Variants in SASH1 observed in about 807,000 individuals in gnomAD.
SASH1 encodes the protein SAM and SH3 domain containing 1, also known as SAM and SH3 domain-containing protein 1.
Under a neutral mutation model 125.2 loss-of-function variants are expected in SASH1, and 44 were observed. That is an observed-to-expected ratio of 0.35 (90% CI 0.28 to 0.45). SASH1 has a LOEUF of 0.45. Ranked by LOEUF, SASH1 falls within the 20% of genes least tolerant of loss-of-function variation. The probability of loss-of-function intolerance (pLI) is 1.00; values close to 1 mark genes in which losing one functional copy is unlikely to be tolerated. For missense variants in SASH1, 1,426 were observed against 1,614.5 expected, an observed-to-expected ratio of 0.88 and a Z score of 2.00; for synonymous variants, 639 against 649.1, an observed-to-expected ratio of 0.98 and a Z score of 0.24.
chr6:148,376,966 C>T (rs980660349), intron 1 of SASH1, among the ~76,000 whole-genome samples: 4 of 151,140 alleles, frequency 2.6e-5, no homozygotes, highest in South Asian at 4.2e-4. Context: ...GTCAGGAGAT[C>T]GAGACCATCC....
chr6:148,357,331 C>T (rs777350296), intron 1 of SASH1, among the ~76,000 whole-genome samples: 9 of 152,210 alleles, frequency 5.9e-5, no homozygotes, highest in Non-Finnish European at 1.3e-4. Context: ...ACTTTGGCTT[C>T]TGCAGATTTT....
In SASH1 at chr6:148,402,800, A is replaced by G. The variant is rs376997606; in HGVS notation, c.285+12538A>G. On this transcript the variant is annotated intron_variant, in intron 2 of 19. Coordinates refer to ENST00000367467, the MANE Select transcript of SASH1 (RefSeq NM_015278.5). ...ATTTTTTCTATTTTTTAGTAGAGAC[A>G]GGGTTTCACCATGTTAGCCAGGATG... 1.6e-3 allele frequency among the ~76,000 whole-genome samples: 235 copies of G among 150,038 alleles called. 3 individuals carry two copies. The highest frequency in any genetic ancestry group is 4.6e-3 in the African/African-American group (187 of 40,704).
intron 2 of SASH1, among the ~76,000 whole-genome samples, chr6:148,390,870 T>G (rs1185087270): frequency 6.6e-6 from 1 of 152,170 alleles, no homozygotes; most frequent in East Asian, 1.9e-4. Flanking sequence ...GTATACTACA[T>G]TTTTTATTGA....
At chr6:148,468,328 C>T (rs1777940218) in intron 4 of SASH1, among the ~76,000 whole-genome samples, 1 of 152,322 alleles carries the variant, frequency 6.6e-6, no homozygotes, top group South Asian at 2.1e-4. Context: ...ACAGGTCTCA[C>T]CTTCGAGTGA....
At chr6:148,306,001 T>C (rs1352123766) in intron 1 of SASH1, among the ~76,000 whole-genome samples, 3 of 152,202 alleles carry the variant, frequency 2.0e-5, no homozygotes, top group Non-Finnish European at 4.4e-5. Context: ...TATATGCTTG[T>C]ATCAAAATAT....
chr6:148,486,491 T>C (rs1196090563), intron 7 of SASH1, among the ~76,000 whole-genome samples: 1 of 152,152 alleles, frequency 6.6e-6, no homozygotes, highest in Admixed American at 6.5e-5. Context: ...CCTAAACTTT[T>C]AATATCTCTA....
intron 1 of SASH1, among the ~76,000 whole-genome samples, chr6:148,295,388 C>T (rs767158367): frequency 2.0e-5 from 3 of 152,254 alleles, no homozygotes; most frequent in Non-Finnish European, 4.4e-5. Flanking sequence ...CTGATACTCT[C>T]CTTCAGAGAA....
Position 148,484,027 on chromosome 6 carries a change from C to T in SASH1, c.628-3587C>T, listed in dbSNP as rs6928631. Among the ~76,000 whole-genome samples the T allele has an allele frequency of 9.8e-3, 1,491 of 152,166 alleles. 31 individuals carry two copies. Among genetic ancestry groups the T allele is most frequent in the African/African-American group, 0.034 (1,432 of 41,524 alleles). On this transcript the variant is annotated intron_variant, in intron 7 of 19. Coordinates refer to ENST00000367467, the MANE Select transcript of SASH1 (RefSeq NM_015278.5). The stretch of plus-strand genomic sequence containing the variant: ...GAGGGTTGTTAAAGAGTACATATTT[C>T]GGATGTCCTGGAGAATGTTTGATTG...
intron 1 of SASH1, among the ~76,000 whole-genome samples, chr6:148,361,946 C>G (rs1487425787): frequency 1.4e-5 from 2 of 142,008 alleles, no homozygotes; most frequent in Non-Finnish European, 3.0e-5. Flanking sequence ...CAGAGTCTCA[C>G]TCTGTCGCCC....
At chr6:148,539,604 G>A (rs975731639) in intron 16 of SASH1, among the ~76,000 whole-genome samples, 7 of 152,106 alleles carry the variant, frequency 4.6e-5, no homozygotes, top group African/African-American at 1.7e-4. Context: ...CACTCAGAAT[G>A]AGGACATTCA....
Position 148,342,932 on chromosome 6 carries a change from C to G in SASH1, c.-136C>G, listed in dbSNP as rs1410514743. The G allele has an allele frequency of 1.2e-6, 1 of 818,268 alleles. No individual in the cohort carries two copies. The highest frequency in any genetic ancestry group is 1.5e-6 in the Non-Finnish European group (1 of 677,494). 50.7% of individuals were successfully genotyped at this position (818,268 alleles called of 1,614,324 possible). A position where few individuals can be genotyped will look rare whatever the true frequency, so the allele number is the denominator to read the frequency against. On this transcript the variant is annotated 5_prime_UTR_variant, in exon 1 of 20. Coordinates refer to ENST00000367467, the MANE Select transcript of SASH1 (RefSeq NM_015278.5). ...AGGGCCCCCGCGGGGTGGCCGGGGC[C>G]GCCGGGGCATGCAGCGCGGGGGCGC...
intron 1 of SASH1, among the ~76,000 whole-genome samples, chr6:148,282,025 A>G (rs1358354842): frequency 6.6e-6 from 1 of 152,240 alleles, no homozygotes; most frequent in African/African-American, 2.4e-5. Flanking sequence ...ACTGGTATAA[A>G]TGAAACCATA....
At chr6:148,233,890 G>T in the SASH1 span, among the ~76,000 whole-genome samples, 2 of 151,046 alleles carry the variant, frequency 1.3e-5, no homozygotes, top group Non-Finnish European at 3.0e-5. Flanking sequence ...TCCAGACTGG[G>T]TGACAGAGTG....
At chr6:148,329,353 A>G (rs1780923378) in intron 1 of SASH1, among the ~76,000 whole-genome samples, 1 of 152,214 alleles carries the variant, frequency 6.6e-6, no homozygotes, top group African/African-American at 2.4e-5. Context: ...TTCAAACCTC[A>G]TTCAGGCCAG....
chr6:148,468,631 T>A, intron 5 of SASH1, 46 bp downstream of exon 5: 2 of 1,260,934 alleles, frequency 1.6e-6, no homozygotes, highest in Non-Finnish European at 2.3e-6. Flanking sequence ...ATTTCAATAC[T>A]TTATAGAAAA....
At chr6:148,244,679 G>A in the SASH1 span, among the ~76,000 whole-genome samples, 1 of 152,260 alleles carries the variant, frequency 6.6e-6, no homozygotes, top group African/African-American at 2.4e-5. Flanking sequence ...TGTTGCTGCT[G>A]TTGTTTCTCC....
intron 1 of SASH1, among the ~76,000 whole-genome samples, chr6:148,323,844 T>A (rs6940682): frequency 6.6e-6 from 1 of 151,730 alleles, no homozygotes; most frequent in East Asian, 2.0e-4. Context: ...AAAACAAGCA[T>A]GGCAGGGCGC....
At chr6:148,472,232 T>C (rs1302196393) in intron 6 of SASH1, among the ~76,000 whole-genome samples, 2 of 152,150 alleles carry the variant, frequency 1.3e-5, no homozygotes, top group African/African-American at 4.8e-5. Flanking sequence ...CTTTACAAAA[T>C]CTTAGTGTCC....
At chr6:148,469,605 T>TTG (rs1001212313) in intron 5 of SASH1, among the ~76,000 whole-genome samples, 3 of 152,112 alleles carry the variant, frequency 2.0e-5, no homozygotes, top group African/African-American at 7.2e-5. Flanking sequence ...TAGCACCATG[T>TTG]ACCTGTAGTC....
Sources: allele counts gnomAD v4.1 joint callset (sites outside exome capture counted in the v4.1 genomes callset), GRCh38; gene constraint gnomAD v4.1.1; transcripts MANE v1.5; gene names NCBI Gene and HGNC (gene_info 2026-07-23, HGNC 2026-07-21).